Variants in IPO5 observed in about 807,000 individuals in gnomAD.
IPO5 encodes importin 5.
In IPO5, 18 loss-of-function variants were observed where a neutral mutation model predicts 143.3. The ratio of observed to expected loss-of-function variants is 0.13; its 90% confidence interval spans 0.09 to 0.19. The LOEUF (loss-of-function observed/expected upper bound fraction) is 0.19, where lower values mean the gene tolerates loss of function less well. Ranked by LOEUF, IPO5 falls within the 10% of genes least tolerant of loss-of-function variation. IPO5 has a pLI of 1.00. For synonymous variants in IPO5, 477 were observed against 465.7 expected (o/e 1.02, Z -0.31); for missense variants, 1,013 against 1,336.9 (o/e 0.76, Z 3.78).
chr13:98,012,172 A>G, intron 20 of IPO5, 74 bp from the exon 21 acceptor site: 1 of 868,872 alleles, frequency 1.2e-6, no homozygotes, highest in Non-Finnish European at 2.0e-6. Flanking sequence ...GGTCCTTATG[A>G]TTTTGCTGTT....
At chr13:97,992,631 T>A (rs1354685290) in intron 9 of IPO5, among the ~76,000 whole-genome samples, 2 of 152,214 alleles carry the variant, frequency 1.3e-5, no homozygotes, top group African/African-American at 4.8e-5. Flanking sequence ...GCCTTAAGTA[T>A]TGTAATGGTT....
At chr13:97,971,672 G>T (rs1391493118) in intron 3 of IPO5, among the ~76,000 whole-genome samples, 1 of 152,122 alleles carries the variant, frequency 6.6e-6, no homozygotes, top group Non-Finnish European at 1.5e-5. Flanking sequence ...TTTAAGGCCA[G>T]GCGCGGTGGC....
At chr13:97,973,591 G>A (rs937273091) in intron 3 of IPO5, among the ~76,000 whole-genome samples, 6 of 152,238 alleles carry the variant, frequency 3.9e-5, no homozygotes, top group Non-Finnish European at 5.9e-5. Context: ...TTTGGGTGGC[G>A]GGGTGGTCTC....
intron 2 of IPO5, among the ~76,000 whole-genome samples, chr13:97,955,038 G>A (rs1159551997): frequency 6.6e-6 from 1 of 152,060 alleles, no homozygotes; most frequent in Non-Finnish European, 1.5e-5. Flanking sequence ...GGTCAGCCTA[G>A]GCAACATAGT....
intron 4 of IPO5, 50 bp downstream of exon 4, chr13:97,976,836 C>T (rs756677514): frequency 2.5e-6 from 2 of 798,090 alleles, no homozygotes; most frequent in Admixed American, 6.0e-5. Context: ...GCGCGCCGAC[C>T]CTTTACCGAC....
Position 97,976,736 on chromosome 13 carries a change from C to G in IPO5, c.40C>G (p.Leu14Val). The G allele has an allele frequency of 7.1e-7, 1 of 1,416,670 alleles. No homozygotes were observed. Among genetic ancestry groups the G allele is most frequent in the Non-Finnish European group, 9.4e-7 (1 of 1,061,078 alleles). 87.8% of individuals were successfully genotyped at this position (1,416,670 alleles called of 1,614,324 possible). Reference sequence around the variant, plus strand: ...GGCGGAGCAGCAACAGTTCTACCTGCTCCTGGGAAACCTGCTCAGCCCCGA... The same window carrying G: ...GGCGGAGCAGCAACAGTTCTACCTGGTCCTGGGAAACCTGCTCAGCCCCGA... ...AAAEQQQFYL[L>V]LGNLLSPDNV... The change falls in exon 4 of 29, where the codon CTC becomes GTC. Residue 14 changes from leucine (L) to valine (V), a missense_variant. Physicochemically the swap from Leu to Val is conservative, Grantham distance 32. Coordinates refer to ENST00000651721, the MANE Select transcript of IPO5 (RefSeq NM_002271.6).
chr13:98,010,780 CTT>C (rs71117688), intron 20 of IPO5, among the ~76,000 whole-genome samples: 2 of 70,010 alleles, frequency 2.9e-5, no homozygotes, highest in Non-Finnish European at 2.4e-5. Flanking sequence ...AAGGATAATC[CTT>C]TTTTTTTTTT....
chr13:97,954,950 G>A (rs796818134), intron 2 of IPO5, among the ~76,000 whole-genome samples: 17 of 152,144 alleles, frequency 1.1e-4, no homozygotes, highest in African/African-American at 3.6e-4. Flanking sequence ...AATACCGGCC[G>A]GGCACAGTGG....
At chr13:97,970,619 G>A (rs148350662) in intron 3 of IPO5, among the ~76,000 whole-genome samples, 2,091 of 151,394 alleles carry the variant, frequency 0.014, 58 homozygotes, top group African/African-American at 0.048. Flanking sequence ...GGACTCCGTC[G>A]CAAAAAAAAA....
In IPO5 at chr13:97,976,739, C is replaced by T. The variant is rs144030121; in HGVS notation, c.43C>T (p.Leu15=). ...GGAGCAGCAACAGTTCTACCTGCTC[C>T]TGGGAAACCTGCTCAGCCCCGACAA... ...AAEQQQFYLL[L]GNLLSPDNVV... The change falls in exon 4 of 29, where the codon CTG becomes TTG. Residue 15 remains leucine, a synonymous_variant. Transcript: ENST00000651721. 48 of 1,415,760 alleles carry T rather than the reference C, an allele frequency of 3.4e-5. No individual in the cohort carries two copies. The highest frequency in any genetic ancestry group is 4.4e-5 in the Non-Finnish European group (47 of 1,060,626). The allele number at this position is 1,415,760 out of a possible 1,614,324, so 87.7% of individuals were successfully genotyped here. A position where few individuals can be genotyped will look rare whatever the true frequency, so the allele number is the denominator to read the frequency against.
chr13:98,002,626 A>AGT (rs774936854), intron 14 of IPO5, 35 bp downstream of exon 14: 24 of 1,607,308 alleles, frequency 1.5e-5, no homozygotes, highest in Non-Finnish European at 2.0e-5. Context: ...CAAAATGATT[A>AGT]GTGTAGCTTC....
chr13:97,985,661 T>TC, intron 6 of IPO5, 48 bp downstream of exon 6: 1 of 1,211,720 alleles, frequency 8.3e-7, no homozygotes, highest in Non-Finnish European at 1.2e-6. Context: ...GGTATATCCT[T>TC]CCTTTTTTTT....
At position 98,006,525 on chromosome 13, in the gene IPO5, C is replaced by T. The variant is rs562330839; in HGVS notation, c.1716+177C>T. On this transcript the variant is annotated intron_variant, in intron 17 of 28. Coordinates refer to ENST00000651721, the MANE Select transcript of IPO5 (RefSeq NM_002271.6). ...GAGTAGCTGGGACTACAGACGCCCG[C>T]CACCACGCCCGGCTAATTTTTTGTA... Among the ~76,000 whole-genome samples the T allele has an allele frequency of 1.7e-3, 252 of 151,488 alleles. 2 individuals carry two copies. Among genetic ancestry groups the T allele is most frequent in the African/African-American group, 5.9e-3 (245 of 41,306 alleles).
At chr13:98,003,430 A>G (rs945206350) in intron 16 of IPO5, among the ~76,000 whole-genome samples, 1 of 152,190 alleles carries the variant, frequency 6.6e-6, no homozygotes, top group Non-Finnish European at 1.5e-5. Flanking sequence ...AAAAAGGGAG[A>G]AGATTTAAGG....
chr13:97,978,384 C>T (rs1015952018), intron 4 of IPO5, among the ~76,000 whole-genome samples: 1 of 152,156 alleles, frequency 6.6e-6, no homozygotes, highest in African/African-American at 2.4e-5. Context: ...AAGCAACCCT[C>T]TATGAAATGG....
intron 21 of IPO5, among the ~76,000 whole-genome samples, chr13:98,013,321 C>T (rs956072947): frequency 6.6e-6 from 1 of 152,084 alleles, no homozygotes; most frequent in African/African-American, 2.4e-5. Flanking sequence ...TCAGGTGATC[C>T]ACCCACATCT....
intron 4 of IPO5, among the ~76,000 whole-genome samples, chr13:97,978,918 A>T (rs1257067695): frequency 6.6e-6 from 1 of 152,186 alleles, no homozygotes; most frequent in African/African-American, 2.4e-5. Flanking sequence ...AAGTACTGTT[A>T]TTCTCTTAGT....
chr13:98,013,903 A>C (rs1235095533), intron 21 of IPO5, 139 bp from the exon 22 acceptor site: 1 of 647,976 alleles, frequency 1.5e-6, no homozygotes, highest in Non-Finnish European at 2.6e-6. Flanking sequence ...TTCTATTTTT[A>C]TACATGCTTT....
At chr13:98,011,695 C>G (rs545958240) in intron 20 of IPO5, among the ~76,000 whole-genome samples, 1 of 152,006 alleles carries the variant, frequency 6.6e-6, no homozygotes, top group Non-Finnish European at 1.5e-5. Flanking sequence ...TTAGTAGAGA[C>G]GGGGTTTCAC....
Sources: gnomAD v4.1 joint callset for allele counts (sites outside exome capture counted in the v4.1 genomes callset) on GRCh38, gnomAD v4.1.1 for gene constraint, MANE v1.5 for transcripts, NCBI Gene and HGNC (gene_info 2026-07-23, HGNC 2026-07-21) for gene names.